Variants in DIAPH3 observed in about 807,000 individuals in gnomAD.
The protein encoded by DIAPH3 is diaphanous related formin 3.
Under a neutral mutation model 144.3 loss-of-function variants are expected in DIAPH3, and 117 were observed. The observed-to-expected ratio is 0.81, with a 90% CI of 0.70 to 0.95. The LOEUF is 0.95. DIAPH3 is among the 40% of genes least tolerant of loss of function. DIAPH3 has a pLI of 0.00. For missense variants in DIAPH3, 1,421 were observed against 1,412.7 expected, an observed-to-expected ratio of 1.01 and a Z score of -0.09; for synonymous variants, 519 against 488.9, an observed-to-expected ratio of 1.06 and a Z score of -0.81.
At chr13:60,017,523 G>A (rs2053740019) in intron 5 of DIAPH3, among the ~76,000 whole-genome samples, 1 of 151,808 alleles carries the variant, frequency 6.6e-6, no homozygotes, top group Non-Finnish European at 1.5e-5. Context: ...AACATTTCCA[G>A]TGAAAAGAGA....
chr13:59,909,653 T>A (rs2140226895), intron 20 of DIAPH3, among the ~76,000 whole-genome samples: 1 of 152,318 alleles, frequency 6.6e-6, no homozygotes, highest in Admixed American at 6.5e-5. Context: ...AATAGATGAC[T>A]AAGGCATTGT....
In DIAPH3 at chr13:59,875,550, C is replaced by A. The variant is rs139674686; in HGVS notation, c.2607+3679G>T. On this transcript the variant is annotated intron_variant, in intron 21 of 27. Transcript: ENST00000400324. ...TTCTAAAAAAAAAATCCTGACGAAA[C>A]TGACTCATTTGTTGTTTATAACACT... 2.6e-5 allele frequency among the ~76,000 whole-genome samples: 4 copies of A among 151,998 alleles called. No homozygotes were observed. In the East Asian group the frequency reaches 7.8e-4, roughly 29 times the overall value.
At chr13:59,983,358 T>C (rs1221034430) in intron 13 of DIAPH3, among the ~76,000 whole-genome samples, 1 of 151,590 alleles carries the variant, frequency 6.6e-6, no homozygotes, top group East Asian at 1.9e-4. Context: ...AAGTACTGTA[T>C]GTATAAATCC....
At chr13:59,803,213 CTGAT>C (rs1018300289) in intron 25 of DIAPH3, among the ~76,000 whole-genome samples, 2 of 152,056 alleles carry the variant, frequency 1.3e-5, no homozygotes, top group Non-Finnish European at 2.9e-5. Flanking sequence ...ATCAAAAGAA[CTGAT>C]TGGTATGATT....
intron 18 of DIAPH3, among the ~76,000 whole-genome samples, chr13:59,918,142 A>G (rs534179765): frequency 6.6e-6 from 1 of 150,696 alleles, no homozygotes; most frequent in Non-Finnish European, 1.5e-5. Flanking sequence ...AAAAAGATAC[A>G]TTGATTATGT....
At chr13:59,673,617 A>C (rs914517443) in intron 27 of DIAPH3, among the ~76,000 whole-genome samples, 1 of 152,182 alleles carries the variant, frequency 6.6e-6, no homozygotes, top group African/African-American at 2.4e-5. Context: ...CCAAGCCAGA[A>C]AGACCAATCA....
intron 3 of DIAPH3, among the ~76,000 whole-genome samples, chr13:60,101,630 C>A (rs529758487): frequency 3.3e-5 from 5 of 152,088 alleles, no homozygotes; most frequent in African/African-American, 1.2e-4. Context: ...AGATTGGGCA[C>A]CCCTGCCCTA....
At chr13:59,848,288 T>C (rs2042769758) in intron 22 of DIAPH3, among the ~76,000 whole-genome samples, 1 of 149,272 alleles carries the variant, frequency 6.7e-6, no homozygotes, top group African/African-American at 2.4e-5. Context: ...TGGCTCCTCA[T>C]CTCAGAGTAA....
At chr13:60,005,345 C>G (rs191563924) in intron 9 of DIAPH3, among the ~76,000 whole-genome samples, 13 of 152,276 alleles carry the variant, frequency 8.5e-5, no homozygotes, top group South Asian at 2.1e-4. Context: ...TTGTCTCAGG[C>G]TAGAGAGAAT....
chr13:59,975,747 C>T (rs1325571343), intron 14 of DIAPH3, among the ~76,000 whole-genome samples: 1 of 152,060 alleles, frequency 6.6e-6, no homozygotes. Flanking sequence ...TTTCAGACTA[C>T]TGATTCTCTC....
intron 25 of DIAPH3, among the ~76,000 whole-genome samples, chr13:59,802,667 A>ATTTATTTTTTT (rs2039986201): frequency 4.2e-5 from 1 of 23,758 alleles, no homozygotes; most frequent in African/African-American, 1.5e-4. Flanking sequence ...TATTATTATT[A>ATTTATTTTTTT]TTTTTTTTTT....
chr13:59,982,968 A>G (rs941670377), intron 13 of DIAPH3, among the ~76,000 whole-genome samples: 15 of 151,494 alleles, frequency 9.9e-5, no homozygotes, highest in Non-Finnish European at 1.6e-4. Context: ...AAGTTTTCCA[A>G]AATTCAAATT....
chr13:60,129,050 C>T (rs1009231865), intron 2 of DIAPH3, among the ~76,000 whole-genome samples: 1 of 151,970 alleles, frequency 6.6e-6, no homozygotes, highest in Non-Finnish European at 1.5e-5. Flanking sequence ...AGATGAGGAT[C>T]ATAGAAGTAC....
chr13:59,746,691 A>C (rs904081156), intron 27 of DIAPH3, among the ~76,000 whole-genome samples: 19 of 152,232 alleles, frequency 1.2e-4, no homozygotes, highest in African/African-American at 4.6e-4. Context: ...GTTTAAAAAC[A>C]GTTCCTAGGC....
chr13:59,701,513 C>T (rs938697928), intron 27 of DIAPH3, among the ~76,000 whole-genome samples: 2 of 152,164 alleles, frequency 1.3e-5, no homozygotes, highest in Non-Finnish European at 2.9e-5. Context: ...TCTCTGTATT[C>T]CCAGCACGTC....
chr13:60,038,009 CAT>C (rs2055354710), intron 5 of DIAPH3, among the ~76,000 whole-genome samples: 1 of 151,876 alleles, frequency 6.6e-6, no homozygotes, highest in South Asian at 2.1e-4. Context: ...AGTTCAAAAA[CAT>C]ATAAAACCAA....
chr13:60,100,774 T>C (rs1475806036), intron 3 of DIAPH3, among the ~76,000 whole-genome samples: 1 of 151,474 alleles, frequency 6.6e-6, no homozygotes, highest in Non-Finnish European at 1.5e-5. Flanking sequence ...AGAACATCAT[T>C]ATTAAAAAAA....
At chr13:60,119,345 A>G (rs536084723) in intron 2 of DIAPH3, among the ~76,000 whole-genome samples, 65 of 152,206 alleles carry the variant, frequency 4.3e-4, no homozygotes, top group Non-Finnish European at 7.5e-4. Context: ...AAGCCTTCAC[A>G]TGACTGTAGC....
chr13:60,009,233 CTTT>C (rs1424176130), intron 8 of DIAPH3, among the ~76,000 whole-genome samples: 1 of 152,134 alleles, frequency 6.6e-6, no homozygotes, highest in Non-Finnish European at 1.5e-5. Context: ...ACTTCCTCTT[CTTT>C]TAAGTAATAG....
Sources: gnomAD v4.1 joint callset for allele counts (sites outside exome capture counted in the v4.1 genomes callset) on GRCh38, gnomAD v4.1.1 for gene constraint, MANE v1.5 for transcripts, NCBI Gene and HGNC (gene_info 2026-07-23, HGNC 2026-07-21) for gene names.